ERBB4: variants seen among roughly 807,000 people sequenced by gnomAD.
The protein encoded by ERBB4 is erb-b2 receptor tyrosine kinase 4.
ERBB4 carries 42 observed loss-of-function variants against 158.0 expected under a neutral mutation model. The ratio of observed to expected loss-of-function variants is 0.27; its 90% CI spans 0.21 to 0.34. The LOEUF (loss-of-function observed/expected upper bound fraction) is 0.34, where lower values mean the gene tolerates loss of function less well. Among genes scored for constraint, ERBB4 ranks in the 10% least tolerant of loss-of-function variants. The probability of loss-of-function intolerance (pLI) is 1.00; values close to 1 mark genes in which losing one functional copy is unlikely to be tolerated. For missense variants in ERBB4, 1,333 were observed against 1,624.1 expected (o/e 0.82, Z 3.08); for synonymous variants, 583 against 558.7 (o/e 1.04, Z -0.61).
intron 16 of ERBB4, among the ~76,000 whole-genome samples, chr2:211,653,744 G>A (rs1484506780): frequency 1.3e-5 from 2 of 151,826 alleles, no homozygotes; most frequent in African/African-American, 4.8e-5. Context: ...ACACGACCTC[G>A]GCTCACTGTA....
At chr2:212,482,532 AT>A (rs1456590741) in intron 1 of ERBB4, among the ~76,000 whole-genome samples, 1 of 152,196 alleles carries the variant, frequency 6.6e-6, no homozygotes, top group African/African-American at 2.4e-5. Flanking sequence ...CACTTTGGGG[AT>A]TATGCAAGGT....
chr2:211,941,069 A>AATACTCTTT (rs2080480667), intron 3 of ERBB4, among the ~76,000 whole-genome samples: 1 of 152,128 alleles, frequency 6.6e-6, no homozygotes, highest in African/African-American at 2.4e-5. Context: ...ACAAGCAAAC[A>AATACTCTTT]ATACTCTTTA....
chr2:211,913,293 T>C (rs1434213229), intron 3 of ERBB4, among the ~76,000 whole-genome samples: 4 of 152,152 alleles, frequency 2.6e-5, no homozygotes, highest in African/African-American at 4.8e-5. Flanking sequence ...AATTTGTACA[T>C]GCTTTAAAAA....
At chr2:212,274,338 G>A (rs936513610) in intron 1 of ERBB4, among the ~76,000 whole-genome samples, 2 of 151,750 alleles carry the variant, frequency 1.3e-5, no homozygotes, top group South Asian at 2.1e-4. Context: ...TGTTATTCAA[G>A]GTTTACGGTA....
At chr2:211,762,307 A>G (rs1447448515) in intron 4 of ERBB4, among the ~76,000 whole-genome samples, 1 of 152,206 alleles carries the variant, frequency 6.6e-6, no homozygotes, top group African/African-American at 2.4e-5. Flanking sequence ...CAGGCATAGC[A>G]GACAAAGACA....
chr2:211,610,954 A>G (rs1015301975), intron 19 of ERBB4, among the ~76,000 whole-genome samples: 1 of 152,126 alleles, frequency 6.6e-6, no homozygotes, highest in African/African-American at 2.4e-5. Flanking sequence ...AGGTACTTCA[A>G]TGGAGAAATT....
At chr2:212,280,349 G>A (rs1465702835) in intron 1 of ERBB4, among the ~76,000 whole-genome samples, 1 of 151,422 alleles carries the variant, frequency 6.6e-6, no homozygotes, top group Non-Finnish European at 1.5e-5. Flanking sequence ...CTTGGGTCTG[G>A]GCATCTGATC....
chr2:211,388,043 T>C (rs563339129), intron 25 of ERBB4, 51 bp from the exon 26 acceptor site: 8 of 1,333,792 alleles, frequency 6.0e-6, no homozygotes, highest in Non-Finnish European at 7.5e-6. Context: ...GCAATATGAA[T>C]GAAAAAATTA....
At chr2:211,847,376 A>G (rs1320856904) in intron 3 of ERBB4, among the ~76,000 whole-genome samples, 2 of 152,174 alleles carry the variant, frequency 1.3e-5, no homozygotes, top group Non-Finnish European at 2.9e-5. Context: ...ATCATACATA[A>G]TTAATTCATT....
At chr2:211,667,681 AC>A (rs553532595) in intron 14 of ERBB4, among the ~76,000 whole-genome samples, 218 of 152,326 alleles carry the variant, frequency 1.4e-3, no homozygotes, top group African/African-American at 4.9e-3. Flanking sequence ...TTCTTGCAGC[AC>A]ACAGAATAAA....
intron 20 of ERBB4, among the ~76,000 whole-genome samples, chr2:211,532,152 G>T (rs1036386049): frequency 1.4e-4 from 9 of 64,710 alleles, no homozygotes; most frequent in Admixed American, 2.3e-4. Context: ...GAAGGGTTGT[G>T]GGGGGGGAAA....
chr2:212,474,822 C>CCTTTTTTTTTTTTTTT (rs1689295723), intron 1 of ERBB4, among the ~76,000 whole-genome samples: 1 of 94,412 alleles, frequency 1.1e-5, no homozygotes, highest in African/African-American at 6.1e-5. Context: ...CCCGGCCATT[C>CCTTTTTTTTTTTTTTT]TTTTTTTTTT....
chr2:212,424,629 T>C (rs2091866161), intron 1 of ERBB4, among the ~76,000 whole-genome samples: 1 of 152,106 alleles, frequency 6.6e-6, no homozygotes, highest in Non-Finnish European at 1.5e-5. Flanking sequence ...ACTGGAGCAA[T>C]GAATTGACCT....
intron 1 of ERBB4, 46 bp downstream of exon 1, chr2:212,538,403 G>A: frequency 6.5e-7 from 1 of 1,549,734 alleles, no homozygotes; most frequent in East Asian, 2.2e-5. Context: ...AGGCAGCCCC[G>A]CCGGCGGCTG....
At chr2:211,441,037 C>T (rs1052597630) in intron 20 of ERBB4, among the ~76,000 whole-genome samples, 1 of 152,140 alleles carries the variant, frequency 6.6e-6, no homozygotes, top group Admixed American at 6.6e-5. Context: ...CCTGATCTGC[C>T]CCATGCCCTC....
intron 3 of ERBB4, among the ~76,000 whole-genome samples, chr2:211,869,126 T>C (rs1225196847): frequency 6.6e-6 from 1 of 152,182 alleles, no homozygotes; most frequent in Non-Finnish European, 1.5e-5. Flanking sequence ...ATGAACTCTA[T>C]CATCCAGTCA....
At chr2:211,737,463 A>G (rs1471866755) in intron 5 of ERBB4, among the ~76,000 whole-genome samples, 1 of 152,178 alleles carries the variant, frequency 6.6e-6, no homozygotes, top group Non-Finnish European at 1.5e-5. Flanking sequence ...GGTTGGAATG[A>G]GATAATACAT....
intron 4 of ERBB4, among the ~76,000 whole-genome samples, chr2:211,787,039 A>C (rs532736059): frequency 3.2e-4 from 48 of 152,346 alleles, no homozygotes; most frequent in African/African-American, 1.0e-3. Context: ...TTGATCAAAT[A>C]CATTCATATT....
chr2:212,283,097 G>A lies in ERBB4; in HGVS notation c.83-158194C>T, dbSNP rs778920860. The stretch of plus-strand genomic sequence containing the variant: ...TCATTAAAGAATAAAGCAATCTCAG[G>A]GCATTAACTGCTGACAGTAATGCAG... On this transcript the variant is annotated intron_variant, in intron 1 of 27. Coordinates refer to ENST00000342788, the MANE Select transcript of ERBB4 (RefSeq NM_005235.3). Among the ~76,000 whole-genome samples, 3 of 151,388 alleles carry A rather than the reference G, an allele frequency of 2.0e-5. No individual in the cohort carries two copies. The East Asian group carries it at 5.8e-4, about 30-fold the overall frequency.
Sources: allele counts gnomAD v4.1 joint callset (sites outside exome capture counted in the v4.1 genomes callset), GRCh38; gene constraint gnomAD v4.1.1; transcripts MANE v1.5; gene names NCBI Gene and HGNC (gene_info 2026-07-23, HGNC 2026-07-21).